ACP3: variants seen among roughly 807,000 people sequenced by gnomAD.
ACP3 encodes the protein acid phosphatase 3, also known as prostatic acid phosphatase.
ACP3 carries 38 observed loss-of-function variants against 45.6 expected under a neutral mutation model. The ratio of observed to expected loss-of-function variants is 0.83; its 90% CI spans 0.64 to 1.09. The LOEUF (loss-of-function observed/expected upper bound fraction) is 1.09. Ranked by LOEUF, ACP3 falls within the 50% of genes least tolerant of loss-of-function variation. The probability of loss-of-function intolerance (pLI) is 0.00; values close to 1 mark genes in which losing one functional copy is unlikely to be tolerated. For missense variants in ACP3, 466 were observed against 463.2 expected, an observed-to-expected ratio of 1.01 and a Z score of -0.05; for synonymous variants, 162 against 164.7, an observed-to-expected ratio of 0.98 and a Z score of 0.13.
intron 4 of ACP3, 197 bp from the exon 5 acceptor site, chr3:132,337,259 A>C: frequency 2.3e-6 from 1 of 426,088 alleles, no homozygotes; most frequent in Non-Finnish European, 4.2e-6. Context: ...AATTCTGAAT[A>C]CATATCCTAC....
At chr3:132,330,297 T>A (rs1937377562) in intron 2 of ACP3, among the ~76,000 whole-genome samples, 1 of 152,134 alleles carries the variant, frequency 6.6e-6, no homozygotes, top group Non-Finnish European at 1.5e-5. Context: ...TTAATCTGCC[T>A]TGTCTAGGTA....
intron 10 of ACP3, among the ~76,000 whole-genome samples, chr3:132,365,112 T>G (rs533460014): frequency 1.3e-5 from 2 of 152,388 alleles, no homozygotes; most frequent in African/African-American, 4.8e-5. Flanking sequence ...ATTAAGTTTT[T>G]TCTACAAACA....
chr3:132,360,199 G>T (rs1292534241), downstream of ACP3, among the ~76,000 whole-genome samples: 2 of 151,930 alleles, frequency 1.3e-5, no homozygotes, highest in Non-Finnish European at 2.9e-5. Flanking sequence ...AAACATGGAA[G>T]ATTGTAGGGG....
Position 132,364,044 on chromosome 3 carries a change from C to T in ACP3, c.1139-3660C>T, listed in dbSNP as rs190116267. On this transcript the variant is annotated intron_variant, in intron 10 of 10. Transcript: ENST00000351273. ...CATTTGCCCCACGTCAAACCAAGCACTCTAAAAACTGGCCCCTGGCCAGGC... is the reference window on the plus strand; with the variant it reads ...CATTTGCCCCACGTCAAACCAAGCATTCTAAAAACTGGCCCCTGGCCAGGC... Among the ~76,000 whole-genome samples, 138 of 152,232 alleles carry T rather than the reference C, an allele frequency of 9.1e-4. 2 individuals carry two copies. The Middle Eastern group carries it at 0.017, about 19-fold the overall frequency.
intron 7 of ACP3, among the ~76,000 whole-genome samples, chr3:132,345,912 T>C (rs987876773): frequency 3.3e-5 from 5 of 152,186 alleles, no homozygotes; most frequent in Admixed American, 3.3e-4. Flanking sequence ...GTGGTTATCA[T>C]AGGTATTAAA....
rs758538660 is a variant in ACP3, at chr3:132,332,201, C to G, written c.313C>G (p.Arg105Gly). The stretch of plus-strand genomic sequence containing the variant: ...GATTTTCCTACTCTAGGTTTATATT[C>G]GAAGCACAGACGTTGACCGGACTTT... ...ESYKHEQVYI[R>G]STDVDRTLMS... Residue 105 changes from arginine to glycine, a missense_variant, in exon 4 of 10, where the codon CGA becomes GGA. Transcript: ENST00000336375. The G allele has an allele frequency of 6.2e-7, 1 of 1,614,032 alleles. No homozygotes were observed. The highest frequency in any genetic ancestry group is 1.1e-5 in the South Asian group (1 of 91,082).
chr3:132,341,057 T>C lies in ACP3; in HGVS notation c.556-1495T>C, dbSNP rs1468928920. On this transcript the variant is annotated intron_variant, in intron 5 of 9. Transcript: ENST00000336375. Reference sequence around the variant, plus strand: ...ATTATTTTAGGGTTTTCTTCATATATGTCTTTACATTTTTTGTTAAGTTTG... The same window carrying C: ...ATTATTTTAGGGTTTTCTTCATATACGTCTTTACATTTTTTGTTAAGTTTG... 3.3e-5 allele frequency among the ~76,000 whole-genome samples: 5 copies of C among 152,212 alleles called. 1 individual carries two copies. The East Asian group carries it at 9.6e-4, about 29-fold the overall frequency.
intron 9 of ACP3, among the ~76,000 whole-genome samples, chr3:132,353,530 C>A (rs1321005807): frequency 5.9e-5 from 9 of 152,288 alleles, no homozygotes; most frequent in Admixed American, 2.6e-4. Flanking sequence ...GTATTTGGAA[C>A]AAGTCACCAG....
chr3:132,327,111 C>T (rs1294856666), intron 1 of ACP3, among the ~76,000 whole-genome samples: 2 of 152,218 alleles, frequency 1.3e-5, no homozygotes, highest in African/African-American at 4.8e-5. Context: ...ATTAGCTTTC[C>T]TAACCTCCCC....
At chr3:132,320,452 A>G (rs1937185885) in intron 1 of ACP3, among the ~76,000 whole-genome samples, 1 of 152,032 alleles carries the variant, frequency 6.6e-6, no homozygotes, top group Admixed American at 6.6e-5. Context: ...CCAGAAATAG[A>G]AAAATGTCAT....
At position 132,356,924 on chromosome 3, in the gene ACP3, G is replaced by A. The variant is rs1937918513; in HGVS notation, c.*46G>A. On this transcript the variant is annotated 3_prime_UTR_variant, in exon 10 of 10. Coordinates refer to ENST00000336375, the MANE Select transcript of ACP3 (RefSeq NM_001099.5). Reference sequence around the variant, plus strand: ...GAAGGAGTAGCTGCCCTTTCTCAGGGCAGATGATGCTTTGAGAACATACTT... The same window carrying A: ...GAAGGAGTAGCTGCCCTTTCTCAGGACAGATGATGCTTTGAGAACATACTT... The A allele has an allele frequency of 1.9e-6, 3 of 1,564,620 alleles. No homozygotes were observed. The highest frequency in any genetic ancestry group is 1.7e-6 in the Non-Finnish European group (2 of 1,153,144).
At chr3:132,332,504 A>T (rs1937418537) in intron 4 of ACP3, 160 bp downstream of exon 4, 1 of 885,020 alleles carries the variant, frequency 1.1e-6, no homozygotes, top group African/African-American at 1.7e-5. Flanking sequence ...GACATGGAAA[A>T]CCCTAGCTAA....
chr3:132,358,169 C>CCTAA lies in ACP3; in HGVS notation c.*1291_*1292insCTAA, dbSNP rs1937958779. 2 of 787,572 alleles carry CCTAA rather than the reference C, an allele frequency of 2.5e-6. No individual in the cohort carries two copies. Among genetic ancestry groups the CCTAA allele is most frequent in the African/African-American group, 3.8e-5 (2 of 53,274 alleles). 48.8% of individuals were successfully genotyped at this position (787,572 alleles called of 1,614,324 possible). On this transcript the variant is annotated 3_prime_UTR_variant, in exon 10 of 10. Transcript: ENST00000336375. ...TTTTGGAAGGCTGAGGCAGGAGGATCACTTTAGGCCTGGTGTGTTCAAGAC... is the reference window on the plus strand; with the variant it reads ...TTTTGGAAGGCTGAGGCAGGAGGATCCTAAACTTTAGGCCTGGTGTGTTCAAGAC...
At chr3:132,333,295 G>A (rs1937434320) in intron 4 of ACP3, 1 of 152,550 alleles carries the variant, frequency 6.6e-6, no homozygotes, top group Non-Finnish European at 1.5e-5. Context: ...AGAGGAATGG[G>A]TATTTTTAAA....
At chr3:132,348,703 G>A (rs184921403) in intron 7 of ACP3, among the ~76,000 whole-genome samples, 65 of 152,184 alleles carry the variant, frequency 4.3e-4, no homozygotes, top group Admixed American at 7.9e-4. Flanking sequence ...GAGATGGAGG[G>A]ATTTAGACCT....
chr3:132,323,889 A>T (rs1165376589), intron 1 of ACP3, among the ~76,000 whole-genome samples: 2 of 152,190 alleles, frequency 1.3e-5, no homozygotes, highest in African/African-American at 4.8e-5. Context: ...ACAAGTTGAT[A>T]ATTGTTGGAG....
chr3:132,322,970 C>T (rs1264587168), intron 1 of ACP3, among the ~76,000 whole-genome samples: 1 of 152,178 alleles, frequency 6.6e-6, no homozygotes, highest in Admixed American at 6.5e-5. Flanking sequence ...CCTGTCATGC[C>T]TTCTGCCATG....
At chr3:132,318,836 G>A (rs542962963) in intron 1 of ACP3, among the ~76,000 whole-genome samples, 7 of 152,280 alleles carry the variant, frequency 4.6e-5, no homozygotes, top group African/African-American at 1.4e-4. Flanking sequence ...TGCATCTGCC[G>A]TGCTTGTAAT....
At chr3:132,360,144 TG>T (rs1222625028), downstream of ACP3, among the ~76,000 whole-genome samples, 1 of 152,148 alleles carries the variant, frequency 6.6e-6, no homozygotes, top group Non-Finnish European at 1.5e-5. Flanking sequence ...CCCATTAGGC[TG>T]GGTGGCCACT....
Sources: gnomAD v4.1 joint callset for allele counts (sites outside exome capture counted in the v4.1 genomes callset) on GRCh38, gnomAD v4.1.1 for gene constraint, MANE v1.5 for transcripts, NCBI Gene and HGNC (gene_info 2026-07-23, HGNC 2026-07-21) for gene names.